Variants in MYO16 observed in about 807,000 individuals in gnomAD.
MYO16 encodes unconventional myosin-XVI.
A neutral mutation model predicts 205.3 loss-of-function variants in MYO16; 94 were observed. The observed-to-expected ratio is 0.46, with a 90% confidence interval of 0.39 to 0.54. MYO16 has a LOEUF of 0.54. Among genes scored for constraint, MYO16 ranks in the 20% least tolerant of loss-of-function variants. The pLI is 0.00. For missense variants in MYO16, 2,315 were observed against 2,387.5 expected, an observed-to-expected ratio of 0.97 and a Z score of 0.63; for synonymous variants, 988 against 954.0, an observed-to-expected ratio of 1.04 and a Z score of -0.66.
At chr13:109,130,982 T>G (rs1270836744) in intron 31 of MYO16, among the ~76,000 whole-genome samples, 1 of 152,196 alleles carries the variant, frequency 6.6e-6, no homozygotes, top group East Asian at 1.9e-4. Flanking sequence ...TAGACAACCC[T>G]GATTCTAAAT....
intron 7 of MYO16, among the ~76,000 whole-genome samples, chr13:108,808,898 C>A (rs571509817): frequency 1.2e-4 from 18 of 152,246 alleles, no homozygotes; most frequent in Admixed American, 5.9e-4. Context: ...CTTTCAGAAA[C>A]CTTCCTAGAG....
At chr13:109,091,378 C>A (rs913746413) in intron 27 of MYO16, among the ~76,000 whole-genome samples, 1 of 152,228 alleles carries the variant, frequency 6.6e-6, no homozygotes, top group African/African-American at 2.4e-5. Flanking sequence ...CAAGCTTAAT[C>A]GGTTTTCCCT....
At chr13:109,000,309 T>C (rs1885172861) in intron 21 of MYO16, among the ~76,000 whole-genome samples, 1 of 152,204 alleles carries the variant, frequency 6.6e-6, no homozygotes, top group Non-Finnish European at 1.5e-5. Context: ...TATTTTTCTA[T>C]ATAATTTTTA....
chr13:108,753,383 A>AAAAAAAAAAAAAAC (rs1885314493), intron 4 of MYO16, among the ~76,000 whole-genome samples: 27 of 147,820 alleles, frequency 1.8e-4, no homozygotes, highest in African/African-American at 7.1e-4. Flanking sequence ...AAAAAAAAAA[A>AAAAAAAAAAAAAAC]AAAAAAAAAA....
At chr13:108,720,459 T>C (rs1053941890) in intron 3 of MYO16, among the ~76,000 whole-genome samples, 28 of 152,226 alleles carry the variant, frequency 1.8e-4, no homozygotes, top group African/African-American at 6.5e-4. Flanking sequence ...GTAGAAATGT[T>C]CTTTGAACTA....
At chr13:109,205,369 A>T (rs1880555408) in intron 34 of MYO16, among the ~76,000 whole-genome samples, 2 of 152,056 alleles carry the variant, frequency 1.3e-5, no homozygotes, top group African/African-American at 4.8e-5. Context: ...TGGATGGAAC[A>T]CTCACTCCCT....
At chr13:109,013,363 T>C (rs1373635356) in intron 22 of MYO16, among the ~76,000 whole-genome samples, 9 of 152,110 alleles carry the variant, frequency 5.9e-5, no homozygotes, top group Non-Finnish European at 1.0e-4. Context: ...ATCCAGTCTA[T>C]CATTGATGGA....
chr13:108,714,612 G>T (rs140037886), intron 3 of MYO16, among the ~76,000 whole-genome samples: 5 of 140,824 alleles, frequency 3.6e-5, no homozygotes, highest in Non-Finnish European at 7.6e-5. Context: ...GTGTGTGTGT[G>T]TATATATATA....
intron 7 of MYO16, among the ~76,000 whole-genome samples, chr13:108,813,492 A>G (rs1220304351): frequency 1.3e-5 from 2 of 152,154 alleles, no homozygotes; most frequent in African/African-American, 4.8e-5. Context: ...GCTGGCTCCA[A>G]ATACTCACTG....
At chr13:108,730,431 A>G (rs1205666543) in intron 4 of MYO16, among the ~76,000 whole-genome samples, 1 of 152,216 alleles carries the variant, frequency 6.6e-6, no homozygotes, top group Non-Finnish European at 1.5e-5. Context: ...CTAATACAGC[A>G]TAATTGTCAG....
At chr13:108,757,665 T>C (rs1268454499) in intron 4 of MYO16, among the ~76,000 whole-genome samples, 2 of 152,108 alleles carry the variant, frequency 1.3e-5, no homozygotes, top group Admixed American at 1.3e-4. Context: ...GTGTGTGATG[T>C]TCCCCTTCCT....
At chr13:109,174,728 C>T (rs183054689) in intron 33 of MYO16, among the ~76,000 whole-genome samples, 4 of 147,396 alleles carry the variant, frequency 2.7e-5, no homozygotes, top group African/African-American at 7.6e-5. Flanking sequence ...TTGAAAGTCT[C>T]TTTCTCATTC....
intron 8 of MYO16, among the ~76,000 whole-genome samples, chr13:108,822,826 CAT>C (rs761186100): frequency 2.6e-5 from 4 of 152,104 alleles, no homozygotes; most frequent in Non-Finnish European, 5.9e-5. Context: ...AATGAAATGA[CAT>C]TAAGTTTGCT....
intron 6 of MYO16, among the ~76,000 whole-genome samples, chr13:108,799,257 G>T (rs1886897651): frequency 6.6e-6 from 1 of 152,228 alleles, no homozygotes; most frequent in South Asian, 2.1e-4. Context: ...AGTTGTAGAA[G>T]TTTTGTGCCA....
chr13:108,891,030 A>G (rs1457670122), intron 14 of MYO16, among the ~76,000 whole-genome samples: 1 of 152,190 alleles, frequency 6.6e-6, no homozygotes, highest in Non-Finnish European at 1.5e-5. Flanking sequence ...TGCTGTCCCA[A>G]CAGCATGGTA....
chr13:108,945,995 G>A (rs1277987963), intron 16 of MYO16, among the ~76,000 whole-genome samples: 1 of 152,154 alleles, frequency 6.6e-6, no homozygotes, highest in Non-Finnish European at 1.5e-5. Context: ...TACCTGGAAG[G>A]TGCGTCTGTG....
At position 108,604,452 on chromosome 13, in the gene MYO16, T is replaced by C. The variant is rs572046285; in HGVS notation, c.-39+8213T>C. ...AAATGAAGTAACATTTAGAGAAGTA[T>C]AGATGAAAATCATAGTGAGTGAATG... On this transcript the variant is annotated intron_variant, in intron 1 of 24. Coordinates refer to the MYO16 transcript ENST00000251041. 7.2e-5 allele frequency among the ~76,000 whole-genome samples: 11 copies of C among 152,296 alleles called. No homozygotes were observed. The South Asian group carries it at 1.7e-3, about 23-fold the overall frequency.
At chr13:108,721,539 C>T (rs1262563995) in intron 3 of MYO16, among the ~76,000 whole-genome samples, 1 of 152,118 alleles carries the variant, frequency 6.6e-6, no homozygotes, top group African/African-American at 2.4e-5. Flanking sequence ...TTAATGCTTC[C>T]TCTGTTGATG....
At chr13:109,190,117 T>A (rs1365713545) in intron 34 of MYO16, among the ~76,000 whole-genome samples, 12 of 152,214 alleles carry the variant, frequency 7.9e-5, no homozygotes, top group African/African-American at 2.7e-4. Context: ...GTTGTTCTGT[T>A]TAAGAAAATC....
Sources: gnomAD v4.1 joint callset for allele counts (sites outside exome capture counted in the v4.1 genomes callset) on GRCh38, gnomAD v4.1.1 for gene constraint, MANE v1.5 for transcripts, NCBI Gene and HGNC (gene_info 2026-07-23, HGNC 2026-07-21) for gene names.